Variants in HS6ST3 observed in about 807,000 individuals in gnomAD.
HS6ST3 encodes heparan-sulfate 6-O-sulfotransferase 3.
A neutral mutation model predicts 36.7 loss-of-function variants in HS6ST3; 12 were observed. That is an observed-to-expected ratio of 0.33 (90% CI 0.21 to 0.53). The LOEUF is 0.53. HS6ST3 is among the 20% of genes least tolerant of loss of function. The pLI is 0.95. For missense variants in HS6ST3, 584 were observed against 640.9 expected, an observed-to-expected ratio of 0.91 and a Z score of 0.96; for synonymous variants, 240 against 257.5, an observed-to-expected ratio of 0.93 and a Z score of 0.65.
At chr13:96,445,005 G>C (rs2055691311) in intron 1 of HS6ST3, among the ~76,000 whole-genome samples, 1 of 151,986 alleles carries the variant, frequency 6.6e-6, no homozygotes, top group Non-Finnish European at 1.5e-5. Flanking sequence ...AGGAGAAATT[G>C]TTAAAAAAAA....
intron 1 of HS6ST3, among the ~76,000 whole-genome samples, chr13:96,491,303 G>A (rs1034624904): frequency 1.4e-4 from 22 of 151,800 alleles, no homozygotes; most frequent in African/African-American, 4.4e-4. Context: ...TTCTTCCCAC[G>A]GCCACTGTTT....
chr13:96,684,353 T>A (rs1280376426), intron 1 of HS6ST3, among the ~76,000 whole-genome samples: 2 of 152,064 alleles, frequency 1.3e-5, no homozygotes, highest in Non-Finnish European at 2.9e-5. Flanking sequence ...GATGTCTAAT[T>A]TTTGAACAAC....
intron 1 of HS6ST3, among the ~76,000 whole-genome samples, chr13:96,359,372 A>C (rs2055226077): frequency 6.6e-6 from 1 of 152,186 alleles, no homozygotes; most frequent in South Asian, 2.1e-4. Flanking sequence ...GTTTGCTTTT[A>C]AAATTATTGA....
intron 1 of HS6ST3, among the ~76,000 whole-genome samples, chr13:96,656,955 T>TTGTGTG (rs754838881): frequency 2.7e-3 from 327 of 122,286 alleles, no homozygotes; most frequent in African/African-American, 6.9e-3. Flanking sequence ...GGCTTTTCTT[T>TTGTGTG]TGTGTGTGTG....
chr13:96,641,538 G>A (rs557204), intron 1 of HS6ST3, among the ~76,000 whole-genome samples: 57,716 of 151,516 alleles, frequency 0.38, 11,209 homozygotes, highest in East Asian at 0.62. Context: ...ATTTACATCT[G>A]CCATTTTGCT....
chr13:96,836,339 G>A lies in HS6ST3; in HGVS notation c.*3141G>A, dbSNP rs562328196. On this transcript the variant is annotated 3_prime_UTR_variant, in exon 2 of 2. Coordinates refer to ENST00000376705, the MANE Select transcript of HS6ST3 (RefSeq NM_153456.4). ...TTGTGTATATGTGCACGTGTGTGGT[G>A]TGTGTGTGTTTTATTAAGGACTAAG... The A allele has an allele frequency of 2.3e-4, 35 of 152,294 alleles. 1 individual carries two copies. The highest frequency in any genetic ancestry group is 2.2e-3 in the Admixed American group (33 of 15,300). The allele number at this position is 152,294 out of a possible 1,614,324, so 9.4% of individuals were successfully genotyped here. A position where few individuals can be genotyped will look rare whatever the true frequency, so the allele number is the denominator to read the frequency against.
chr13:96,223,205 GGAGAAATCAT>G (rs2054464225), intron 1 of HS6ST3, among the ~76,000 whole-genome samples: 1 of 152,182 alleles, frequency 6.6e-6, no homozygotes, highest in South Asian at 2.1e-4. Flanking sequence ...GACAAGAATG[GGAGAAATCAT>G]GAGTGACATT....
intron 1 of HS6ST3, among the ~76,000 whole-genome samples, chr13:96,572,512 G>A (rs1018179458): frequency 6.6e-6 from 1 of 151,918 alleles, no homozygotes; most frequent in Non-Finnish European, 1.5e-5. Flanking sequence ...AGGCCCTACA[G>A]TAGATATATC....
intron 1 of HS6ST3, among the ~76,000 whole-genome samples, chr13:96,407,001 A>G (rs1206014506): frequency 1.3e-5 from 2 of 152,238 alleles, no homozygotes; most frequent in South Asian, 2.1e-4. Context: ...TGGTCATTCT[A>G]TAATTCAGCT....
chr13:96,510,851 A>ATGTAG (rs369858901), intron 1 of HS6ST3, among the ~76,000 whole-genome samples: 5 of 152,074 alleles, frequency 3.3e-5, no homozygotes, highest in African/African-American at 1.2e-4. Flanking sequence ...CTTGTAAAAC[A>ATGTAG]TGTAGTGTTG....
At chr13:96,665,001 G>C (rs767293919) in intron 1 of HS6ST3, among the ~76,000 whole-genome samples, 1 of 151,940 alleles carries the variant, frequency 6.6e-6, no homozygotes, top group Non-Finnish European at 1.5e-5. Context: ...GTGAAACCGC[G>C]TCTCTACAAA....
intron 1 of HS6ST3, among the ~76,000 whole-genome samples, chr13:96,534,246 G>C (rs980055443): frequency 6.6e-6 from 1 of 152,126 alleles, no homozygotes; most frequent in African/African-American, 2.4e-5. Context: ...GTGAGCAAAT[G>C]GATGCTCATG....
chr13:96,100,017 AAG>A (rs1404278460), intron 1 of HS6ST3, among the ~76,000 whole-genome samples: 1 of 152,224 alleles, frequency 6.6e-6, no homozygotes, highest in African/African-American at 2.4e-5. Flanking sequence ...CATGCCAAGA[AAG>A]AGATATCACA....
chr13:96,620,249 T>G (rs997164799), intron 1 of HS6ST3, among the ~76,000 whole-genome samples: 7 of 152,198 alleles, frequency 4.6e-5, no homozygotes, highest in Admixed American at 4.6e-4. Context: ...CCTAACACTT[T>G]GATGGTTTTC....
At chr13:96,734,700 G>A (rs1373546191) in intron 1 of HS6ST3, among the ~76,000 whole-genome samples, 1 of 152,130 alleles carries the variant, frequency 6.6e-6, no homozygotes, top group African/African-American at 2.4e-5. Context: ...TGTTATCGTG[G>A]CCATCTCTTT....
intron 1 of HS6ST3, among the ~76,000 whole-genome samples, chr13:96,510,633 AT>A (rs2056045849): frequency 6.6e-6 from 1 of 151,890 alleles, no homozygotes; most frequent in East Asian, 1.9e-4. Context: ...ACCCAGCATA[AT>A]TTTCAACCTC....
At chr13:96,487,765 C>T (rs1475660904) in intron 1 of HS6ST3, among the ~76,000 whole-genome samples, 1 of 152,122 alleles carries the variant, frequency 6.6e-6, no homozygotes, top group African/African-American at 2.4e-5. Flanking sequence ...TCAGACCATT[C>T]ATATTTGGCT....
chr13:96,435,244 C>T (rs1264145798), intron 1 of HS6ST3, among the ~76,000 whole-genome samples: 1 of 152,190 alleles, frequency 6.6e-6, no homozygotes, highest in Non-Finnish European at 1.5e-5. Context: ...TTCATTTATT[C>T]TCAGAACTTG....
intron 1 of HS6ST3, among the ~76,000 whole-genome samples, chr13:96,798,192 A>C (rs562333453): frequency 6.6e-6 from 1 of 152,012 alleles, no homozygotes; most frequent in Non-Finnish European, 1.5e-5. Context: ...TGGAGTTACC[A>C]TCCCTTCCCC....
Sources: allele counts gnomAD v4.1 joint callset (sites outside exome capture counted in the v4.1 genomes callset), GRCh38; gene constraint gnomAD v4.1.1; transcripts MANE v1.5; gene names NCBI Gene and HGNC (gene_info 2026-07-23, HGNC 2026-07-21).